KCNMB2: variants seen among roughly 807,000 people sequenced by gnomAD.
KCNMB2 encodes the protein potassium calcium-activated channel subfamily M regulatory beta subunit 2.
KCNMB2 carries 9 observed loss-of-function variants against 24.5 expected under a neutral mutation model. The ratio of observed to expected loss-of-function variants is 0.37; its 90% CI spans 0.22 to 0.64. The LOEUF (loss-of-function observed/expected upper bound fraction) is 0.64. KCNMB2 is among the 30% of genes least tolerant of loss of function. The pLI is 0.63. For missense variants in KCNMB2, 226 were observed against 284.3 expected, an observed-to-expected ratio of 0.79 and a Z score of 1.47; for synonymous variants, 109 against 104.4, an observed-to-expected ratio of 1.04 and a Z score of -0.27.
intron 4 of KCNMB2, among the ~76,000 whole-genome samples, chr3:178,836,575 T>C (rs1282652971): frequency 6.6e-6 from 1 of 152,158 alleles, no homozygotes; most frequent in Non-Finnish European, 1.5e-5. Flanking sequence ...TTAAGAGAGA[T>C]GTAAGTCTAA....
At chr3:178,644,056 C>A (rs1719821053) in intron 1 of KCNMB2, among the ~76,000 whole-genome samples, 1 of 152,238 alleles carries the variant, frequency 6.6e-6, no homozygotes, top group African/African-American at 2.4e-5. Flanking sequence ...CCAGTTCCAC[C>A]ATGTCACTAA....
At chr3:178,620,356 A>T (rs1718864353) in intron 1 of KCNMB2, among the ~76,000 whole-genome samples, 1 of 152,170 alleles carries the variant, frequency 6.6e-6, no homozygotes, top group Non-Finnish European at 1.5e-5. Context: ...TTTTTTAGAG[A>T]AAAAGTTATA....
In KCNMB2 at chr3:178,594,884, C is replaced by T. The variant is rs1048199724; in HGVS notation, c.-68+58173C>T. 2.6e-4 allele frequency among the ~76,000 whole-genome samples: 39 copies of T among 152,114 alleles called. 2 individuals carry two copies. Among genetic ancestry groups the T allele is most frequent in the African/African-American group, 8.9e-4 (37 of 41,506 alleles). On this transcript the variant is annotated intron_variant, in intron 1 of 4. Transcript: ENST00000452583. ...CATATGAGTATCATTAGAGAGATTT[C>T]ATTCTTCACCATATTCTCTTATGAA...
chr3:178,803,730 G>C (rs187533125), intron 1 of KCNMB2, among the ~76,000 whole-genome samples: 23 of 152,174 alleles, frequency 1.5e-4, no homozygotes, highest in African/African-American at 5.3e-4. Context: ...TGTTCATATG[G>C]GTCAGAGAAG....
chr3:178,592,801 A>G (rs932180051), intron 1 of KCNMB2, among the ~76,000 whole-genome samples: 1 of 151,992 alleles, frequency 6.6e-6, no homozygotes, highest in Non-Finnish European at 1.5e-5. Flanking sequence ...TTTTAAAGTG[A>G]AGGTTTCTAT....
chr3:178,736,147 A>G (rs1723309609), intron 1 of KCNMB2, among the ~76,000 whole-genome samples: 1 of 152,176 alleles, frequency 6.6e-6, no homozygotes, highest in Non-Finnish European at 1.5e-5. Flanking sequence ...CGCTGAATAA[A>G]TGTCTTTTCC....
At chr3:178,661,094 C>T (rs1720510791) in intron 1 of KCNMB2, among the ~76,000 whole-genome samples, 1 of 151,962 alleles carries the variant, frequency 6.6e-6, no homozygotes, top group South Asian at 2.1e-4. Flanking sequence ...CCCATCAACC[C>T]GTCATCTACA....
chr3:178,666,063 ATG>A (rs1471960987), intron 1 of KCNMB2, among the ~76,000 whole-genome samples: 2 of 152,100 alleles, frequency 1.3e-5, no homozygotes, highest in African/African-American at 2.4e-5. Flanking sequence ...TTCAATGTAG[ATG>A]TGTGTGTGTC....
chr3:178,795,541 T>C lies in KCNMB2; in HGVS notation c.-67-11802T>C, dbSNP rs201422994. On this transcript the variant is annotated intron_variant, in intron 1 of 4. Transcript: ENST00000452583. ...CAGATACCAAAAGAAGCAGAAAACA[T>C]TAGAGCCTGAGGGCCCTCCTCAGGC... Among the ~76,000 whole-genome samples, 3 of 152,236 alleles carry C rather than the reference T, an allele frequency of 2.0e-5. No homozygotes were observed. The East Asian group carries it at 5.8e-4, about 29-fold the overall frequency.
At chr3:178,768,936 A>G (rs1030380340) in intron 1 of KCNMB2, among the ~76,000 whole-genome samples, 1 of 149,198 alleles carries the variant, frequency 6.7e-6, no homozygotes, top group Non-Finnish European at 1.5e-5. Context: ...AGAATACCCC[A>G]TAATGTACCA....
At chr3:178,603,971 A>G (rs147065263) in intron 1 of KCNMB2, among the ~76,000 whole-genome samples, 139 of 152,286 alleles carry the variant, frequency 9.1e-4, no homozygotes, top group African/African-American at 2.9e-3. Context: ...GAGGAGACAC[A>G]GAACCACCCC....
At chr3:178,699,575 C>G (rs1722010837) in intron 1 of KCNMB2, among the ~76,000 whole-genome samples, 1 of 152,224 alleles carries the variant, frequency 6.6e-6, no homozygotes, top group Non-Finnish European at 1.5e-5. Flanking sequence ...GCACCCAAAA[C>G]TGCTCTGTAA....
chr3:178,548,283 A>G (rs1454883028), intron 1 of KCNMB2, among the ~76,000 whole-genome samples: 2 of 152,160 alleles, frequency 1.3e-5, no homozygotes, highest in Non-Finnish European at 2.9e-5. Context: ...TAGATCTTGC[A>G]ATCTCTTTCT....
At chr3:178,721,975 G>A (rs1722821615) in intron 1 of KCNMB2, among the ~76,000 whole-genome samples, 1 of 152,052 alleles carries the variant, frequency 6.6e-6, no homozygotes, top group African/African-American at 2.4e-5. Context: ...TGTCAGATAT[G>A]TAATTTCAAA....
At chr3:178,791,237 G>C (rs1713311961) in intron 1 of KCNMB2, among the ~76,000 whole-genome samples, 1 of 152,148 alleles carries the variant, frequency 6.6e-6, no homozygotes, top group African/African-American at 2.4e-5. Context: ...ACAACACAGA[G>C]AAGGAATTCA....
chr3:178,545,196 C>T (rs1248581461), intron 1 of KCNMB2, among the ~76,000 whole-genome samples: 1 of 152,136 alleles, frequency 6.6e-6, no homozygotes, highest in African/African-American at 2.4e-5. Context: ...ACAGGCATTT[C>T]TATGATTGGA....
At chr3:178,618,641 A>G (rs1462725746) in intron 1 of KCNMB2, among the ~76,000 whole-genome samples, 3 of 152,226 alleles carry the variant, frequency 2.0e-5, no homozygotes, top group Admixed American at 6.5e-5. Context: ...TTGGAAAATG[A>G]AAGTTACCGA....
At chr3:178,538,256 G>A (rs1328213883) in intron 1 of KCNMB2, among the ~76,000 whole-genome samples, 3 of 152,118 alleles carry the variant, frequency 2.0e-5, no homozygotes, top group Non-Finnish European at 4.4e-5. Context: ...ACATGTCCAC[G>A]AAATGACTGT....
chr3:178,606,434 C>A (rs370409318), intron 1 of KCNMB2, among the ~76,000 whole-genome samples: 1 of 150,842 alleles, frequency 6.6e-6, no homozygotes, highest in African/African-American at 2.4e-5. Context: ...GTAGCCTGGA[C>A]TTATTTTGAA....
Sources: gnomAD v4.1 joint callset for allele counts (sites outside exome capture counted in the v4.1 genomes callset) on GRCh38, gnomAD v4.1.1 for gene constraint, MANE v1.5 for transcripts, NCBI Gene and HGNC (gene_info 2026-07-23, HGNC 2026-07-21) for gene names.